ZMAT4: variants seen among roughly 807,000 people sequenced by gnomAD.
ZMAT4 encodes the protein zinc finger matrin-type 4.
ZMAT4 carries 17 observed loss-of-function variants against 28.7 expected under a neutral mutation model. That is an observed-to-expected ratio of 0.59 (90% CI 0.41 to 0.89). The LOEUF is 0.89. ZMAT4 is among the 40% of genes least tolerant of loss of function. ZMAT4 has a pLI of 0.00. For missense variants in ZMAT4, 240 were observed against 283.8 expected, an observed-to-expected ratio of 0.85 and a Z score of 1.11; for synonymous variants, 117 against 109.2, an observed-to-expected ratio of 1.07 and a Z score of -0.44.
At chr8:40,594,999 C>T (rs1805039640) in intron 5 of ZMAT4, among the ~76,000 whole-genome samples, 2 of 152,108 alleles carry the variant, frequency 1.3e-5, no homozygotes, top group Non-Finnish European at 2.9e-5. Context: ...TATATTTTCC[C>T]TGCTTTGTTC....
chr8:40,726,689 G>A (rs1450706539), intron 3 of ZMAT4, among the ~76,000 whole-genome samples: 1 of 152,174 alleles, frequency 6.6e-6, no homozygotes, highest in Non-Finnish European at 1.5e-5. Context: ...TGTGAAAATA[G>A]TTTTATTGGC....
intron 5 of ZMAT4, among the ~76,000 whole-genome samples, chr8:40,583,281 G>A (rs1804553553): frequency 6.6e-6 from 1 of 152,176 alleles, no homozygotes. Context: ...AGTATAAAAG[G>A]TGACAGAATT....
rs1419056313 is a variant in ZMAT4 at position 40,767,627 on chromosome 8, T to C, written c.192+14A>G. The C allele has an allele frequency of 6.2e-7, 1 of 1,607,314 alleles. No individual in the cohort carries two copies. Reference sequence around the variant, plus strand: ...CAAATCATCTGAGGATATCACGTGGTACCAGATACTCACATTTTCTGACCG... The same window carrying C: ...CAAATCATCTGAGGATATCACGTGGCACCAGATACTCACATTTTCTGACCG... On this transcript the variant is annotated intron_variant, in intron 3 of 6. Transcript: ENST00000297737.
chr8:40,595,377 T>G (rs1221950757), intron 5 of ZMAT4, among the ~76,000 whole-genome samples: 1 of 152,146 alleles, frequency 6.6e-6, no homozygotes, highest in Non-Finnish European at 1.5e-5. Flanking sequence ...TATATATGTG[T>G]GTATATATGT....
intron 6 of ZMAT4, among the ~76,000 whole-genome samples, chr8:40,535,093 GC>G (rs1802805782): frequency 6.6e-6 from 1 of 152,124 alleles, no homozygotes; most frequent in African/African-American, 2.4e-5. Context: ...GGGTACCTCT[GC>G]CTTCCCAAAA....
intron 1 of ZMAT4, among the ~76,000 whole-genome samples, chr8:40,859,661 T>C (rs1817422471): frequency 6.6e-6 from 1 of 152,108 alleles, no homozygotes; most frequent in African/African-American, 2.4e-5. Context: ...TCAAAGCAAA[T>C]GCTGTGTGTG....
intron 2 of ZMAT4, among the ~76,000 whole-genome samples, chr8:40,816,822 A>AC (rs2150601599): frequency 6.6e-6 from 1 of 152,342 alleles, no homozygotes; most frequent in South Asian, 2.1e-4. Context: ...AATGCAACTG[A>AC]CCCATTAGCA....
In ZMAT4 at chr8:40,697,379, T is replaced by C. The variant is rs1809936021; in HGVS notation, c.215A>G (p.Asp72Gly). Reference sequence around the variant, plus strand: ...GCAGAGTGTGCAGCACTTGTTCTTATCCACCATGTCGGCATCACTTCCCTG... The same window carrying C: ...GCAGAGTGTGCAGCACTTGTTCTTACCCACCATGTCGGCATCACTTCCCTG... ...SENGSDADMVDKNKCCTLCNM... is the reference protein window; with the variant it reads ...SENGSDADMVGKNKCCTLCNM... The change falls in exon 4 of 7, where the codon GAT (aspartate) becomes GGT (glycine). Residue 72 changes from aspartate to glycine, a missense_variant. Asp to Gly is a moderately conservative substitution (Grantham distance 94, BLOSUM62 -1). Transcript: ENST00000297737. The C allele has an allele frequency of 6.2e-7, 1 of 1,601,384 alleles. No individual in the cohort carries two copies.
At chr8:40,755,094 A>G (rs571663082) in intron 3 of ZMAT4, among the ~76,000 whole-genome samples, 1 of 152,378 alleles carries the variant, frequency 6.6e-6, no homozygotes, top group South Asian at 2.1e-4. Context: ...CATTGTTTCC[A>G]CATCATATGT....
In ZMAT4 at chr8:40,867,227, C is replaced by G. The variant is rs375449889; in HGVS notation, c.-5+30456G>C. The stretch of plus-strand genomic sequence containing the variant: ...TGTCTTGGGGCACACAAAAAATACA[C>G]TAACACTAATGGTAGCTGATGAGCT... On this transcript the variant is annotated intron_variant, in intron 1 of 6. Coordinates refer to ENST00000297737, the MANE Select transcript of ZMAT4 (RefSeq NM_024645.3). 1.2e-4 allele frequency among the ~76,000 whole-genome samples: 19 copies of G among 152,260 alleles called. No individual in the cohort carries two copies. In the East Asian group the frequency reaches 3.5e-3, roughly 28 times the overall value.
intron 1 of ZMAT4, among the ~76,000 whole-genome samples, chr8:40,834,172 G>A (rs942759520): frequency 2.6e-5 from 4 of 152,222 alleles, no homozygotes; most frequent in Non-Finnish European, 5.9e-5. Flanking sequence ...TGGAACCAGA[G>A]CTGTCAGTCT....
chr8:40,573,529 G>A (rs533256967), intron 6 of ZMAT4, among the ~76,000 whole-genome samples: 66 of 152,122 alleles, frequency 4.3e-4, no homozygotes, highest in African/African-American at 1.4e-3. Flanking sequence ...TGTAGATTTC[G>A]GATGATTTCA....
chr8:40,616,080 A>G (rs571811502), intron 5 of ZMAT4, among the ~76,000 whole-genome samples: 2 of 152,378 alleles, frequency 1.3e-5, no homozygotes, highest in Non-Finnish European at 1.5e-5. Context: ...GGCAAAGGAT[A>G]TGAACAGACA....
At chr8:40,832,136 T>C (rs1485337180) in intron 1 of ZMAT4, among the ~76,000 whole-genome samples, 1 of 152,098 alleles carries the variant, frequency 6.6e-6, no homozygotes, top group African/African-American at 2.4e-5. Context: ...GCCCTTCAGT[T>C]TGTCCCCTGC....
intron 3 of ZMAT4, among the ~76,000 whole-genome samples, chr8:40,755,655 G>A (rs1346440386): frequency 2.6e-5 from 4 of 152,068 alleles, no homozygotes; most frequent in Non-Finnish European, 5.9e-5. Flanking sequence ...GTTTCTCCAT[G>A]TTGTCCACTC....
At chr8:40,813,379 C>T (rs922273575) in intron 2 of ZMAT4, among the ~76,000 whole-genome samples, 5 of 152,228 alleles carry the variant, frequency 3.3e-5, no homozygotes, top group African/African-American at 1.2e-4. Context: ...AGTGATTTAG[C>T]TAAGGCTGTT....
At chr8:40,808,017 G>A (rs1056192620) in intron 2 of ZMAT4, among the ~76,000 whole-genome samples, 2 of 152,154 alleles carry the variant, frequency 1.3e-5, no homozygotes, top group African/African-American at 4.8e-5. Context: ...TTAATTCTGT[G>A]CACAGTGACA....
intron 2 of ZMAT4, among the ~76,000 whole-genome samples, chr8:40,807,056 G>A (rs757450976): frequency 3.4e-5 from 5 of 148,662 alleles, no homozygotes; most frequent in African/African-American, 7.4e-5. Context: ...ACAAGCAGAA[G>A]GAACTTGCAG....
intron 2 of ZMAT4, among the ~76,000 whole-genome samples, chr8:40,796,379 CA>C (rs986013076): frequency 2.0e-5 from 3 of 151,944 alleles, no homozygotes; most frequent in Admixed American, 6.5e-5. Flanking sequence ...AAAATGAAAA[CA>C]AAAAAACATT....
Sources: gnomAD v4.1 joint callset for allele counts (sites outside exome capture counted in the v4.1 genomes callset) on GRCh38, gnomAD v4.1.1 for gene constraint, MANE v1.5 for transcripts, NCBI Gene and HGNC (gene_info 2026-07-23, HGNC 2026-07-21) for gene names.